GRIK2: variants seen among roughly 807,000 people sequenced by gnomAD.
GRIK2 encodes the protein glutamate receptor ionotropic, kainate 2.
GRIK2 carries 32 observed loss-of-function variants against 100.3 expected under a neutral mutation model. That is an observed-to-expected ratio of 0.32 (90% CI 0.24 to 0.43). The LOEUF (loss-of-function observed/expected upper bound fraction) is 0.43, where lower values mean the gene tolerates loss of function less well. Ranked by LOEUF, GRIK2 falls within the 20% of genes least tolerant of loss-of-function variation. GRIK2 has a pLI of 1.00. For synonymous variants in GRIK2, 417 were observed against 389.4 expected (o/e 1.07, Z -0.83); for missense variants, 843 against 1,114.9 (o/e 0.76, Z 3.47).
chr6:101,542,516 A>C (rs1490201317), intron 2 of GRIK2, among the ~76,000 whole-genome samples: 1 of 152,110 alleles, frequency 6.6e-6, no homozygotes, highest in African/African-American at 2.4e-5. Flanking sequence ...TTTAGAAGAA[A>C]TTGTAGCATC....
Position 101,760,690 on chromosome 6 carries a change from A to ATAATTATATATT in GRIK2, c.952-38947_952-38946insTTAATTATATAT, listed in dbSNP as rs1554259535. ...TATATAATTATATATTTAATTATAT[A>ATAATTATATATT]TAATTATATATAATTATATATTTAA... is the stretch of plus-strand genomic sequence containing the variant. On this transcript the variant is annotated intron_variant, in intron 7 of 16. Coordinates refer to ENST00000369134, the MANE Select transcript of GRIK2 (RefSeq NM_021956.5). Among the ~76,000 whole-genome samples, 65 of 73,804 alleles carry ATAATTATATATT rather than the reference A, an allele frequency of 8.8e-4. 2 individuals carry two copies. The East Asian group carries it at 0.043, about 48-fold the overall frequency. 48.4% of individuals were successfully genotyped at this position (73,804 alleles called of 152,430 possible). A position where few individuals can be genotyped will look rare whatever the true frequency, so the allele number is the denominator to read the frequency against.
intron 10 of GRIK2, among the ~76,000 whole-genome samples, chr6:101,835,205 T>A (rs1344398118): frequency 6.6e-6 from 1 of 152,350 alleles, no homozygotes; most frequent in East Asian, 1.9e-4. Flanking sequence ...TTTTGATATT[T>A]TTTTCATTGG....
intron 14 of GRIK2, among the ~76,000 whole-genome samples, chr6:101,985,794 TAATAA>T (rs1342186045): frequency 2.0e-5 from 3 of 151,604 alleles, no homozygotes; most frequent in Non-Finnish European, 4.4e-5. Flanking sequence ...AAGAAAGTAA[TAATAA>T]AATAGAGAAA....
chr6:101,665,059 C>T (rs1487725122), intron 4 of GRIK2, among the ~76,000 whole-genome samples: 1 of 152,112 alleles, frequency 6.6e-6, no homozygotes, highest in African/African-American at 2.4e-5. Flanking sequence ...ATATCTTAGC[C>T]CTTGCCTTCC....
chr6:101,992,134 T>C (rs1425111366), intron 14 of GRIK2, among the ~76,000 whole-genome samples: 1 of 151,512 alleles, frequency 6.6e-6, no homozygotes, highest in African/African-American at 2.4e-5. Context: ...TTAATATTTA[T>C]GTTAATTAAG....
At chr6:101,907,792 ATAAACTT>A (rs1464643731) in intron 12 of GRIK2, among the ~76,000 whole-genome samples, 1 of 151,694 alleles carries the variant, frequency 6.6e-6, no homozygotes, top group Non-Finnish European at 1.5e-5. Context: ...TGACTACGAC[ATAAACTT>A]TAGAGTTCTA....
At chr6:101,905,352 A>T (rs1009077888) in intron 12 of GRIK2, among the ~76,000 whole-genome samples, 1 of 151,584 alleles carries the variant, frequency 6.6e-6, no homozygotes, top group Non-Finnish European at 1.5e-5. Context: ...CCTTTTATAC[A>T]ATTTCATTTA....
intron 2 of GRIK2, among the ~76,000 whole-genome samples, chr6:101,480,972 A>G (rs1016273916): frequency 3.9e-5 from 6 of 152,196 alleles, no homozygotes; most frequent in African/African-American, 1.4e-4. Context: ...TTGACAAATG[A>G]GAGTGATATT....
rs1482569685 is a variant in GRIK2, at chr6:101,467,934, T to A, written c.115+68542T>A. Among the ~76,000 whole-genome samples the A allele has an allele frequency of 7.3e-5, 11 of 151,580 alleles. No homozygotes were observed. The South Asian group carries it at 1.0e-3, about 14-fold the overall frequency. ...ATTTTTTGCATGCCCACGATATATT[T>A]TTTTTTTTAATCTGGCAAGGATGTA... is the stretch of plus-strand genomic sequence containing the variant. On this transcript the variant is annotated intron_variant, in intron 2 of 16. Coordinates refer to ENST00000369134, the MANE Select transcript of GRIK2 (RefSeq NM_021956.5).
intron 14 of GRIK2, among the ~76,000 whole-genome samples, chr6:101,977,118 T>G (rs1269030093): frequency 6.6e-6 from 1 of 151,884 alleles, no homozygotes; most frequent in African/African-American, 2.4e-5. Flanking sequence ...ACAAAGGAAT[T>G]TATAAAGCCA....
At chr6:101,945,471 T>A (rs1430877250) in intron 14 of GRIK2, among the ~76,000 whole-genome samples, 1 of 152,158 alleles carries the variant, frequency 6.6e-6, no homozygotes, top group Non-Finnish European at 1.5e-5. Context: ...ATCTAACCCA[T>A]GAGCATGTAC....
chr6:101,473,914 T>G (rs1381341896), intron 2 of GRIK2, among the ~76,000 whole-genome samples: 1 of 151,882 alleles, frequency 6.6e-6, no homozygotes, highest in Admixed American at 6.6e-5. Flanking sequence ...TAAAATTTTG[T>G]GGGAATATTG....
At chr6:101,822,538 C>T (rs549554943) in intron 10 of GRIK2, among the ~76,000 whole-genome samples, 1 of 152,152 alleles carries the variant, frequency 6.6e-6, no homozygotes, top group Admixed American at 6.5e-5. Context: ...GTGCTAATGC[C>T]TCGATCTGCT....
intron 2 of GRIK2, among the ~76,000 whole-genome samples, chr6:101,559,726 T>C (rs1776911800): frequency 6.6e-6 from 1 of 152,074 alleles, no homozygotes; most frequent in African/African-American, 2.4e-5. Flanking sequence ...GTGATTTCCT[T>C]GAGTCTCTTT....
intron 14 of GRIK2, among the ~76,000 whole-genome samples, chr6:101,973,709 G>A (rs192482547): frequency 4.6e-5 from 7 of 151,956 alleles, no homozygotes; most frequent in Admixed American, 2.6e-4. Context: ...GCCCTAAATA[G>A]CATTATAAAT....
At chr6:101,902,031 A>T (rs1787878654) in intron 12 of GRIK2, among the ~76,000 whole-genome samples, 1 of 12,814 alleles carries the variant, frequency 7.8e-5, no homozygotes, top group Non-Finnish European at 1.6e-4. Flanking sequence ...ATTGGCTTAA[A>T]AATTTAAATG....
intron 2 of GRIK2, among the ~76,000 whole-genome samples, chr6:101,460,053 G>A (rs924891314): frequency 2.0e-5 from 3 of 152,102 alleles, no homozygotes; most frequent in Admixed American, 6.5e-5. Flanking sequence ...CACCGTGCCC[G>A]GCCGCACATC....
intron 2 of GRIK2, among the ~76,000 whole-genome samples, chr6:101,615,737 A>C (rs574201864): frequency 4.5e-4 from 68 of 151,974 alleles, no homozygotes; most frequent in African/African-American, 1.6e-3. Context: ...AGTCATAGGA[A>C]AGAAAAACAT....
At chr6:101,685,875 C>A (rs1771649678) in intron 6 of GRIK2, among the ~76,000 whole-genome samples, 1 of 152,048 alleles carries the variant, frequency 6.6e-6, no homozygotes, top group African/African-American at 2.4e-5. Context: ...TAAGGGCAAG[C>A]TATCCTAAAC....
Sources: gnomAD v4.1 joint callset for allele counts (sites outside exome capture counted in the v4.1 genomes callset) on GRCh38, gnomAD v4.1.1 for gene constraint, MANE v1.5 for transcripts, NCBI Gene and HGNC (gene_info 2026-07-23, HGNC 2026-07-21) for gene names.